LMAN1: variants seen among roughly 807,000 people sequenced by gnomAD.
LMAN1 encodes the protein protein ERGIC-53.
LMAN1 carries 32 observed loss-of-function variants against 67.8 expected under a neutral mutation model. The ratio of observed to expected loss-of-function variants is 0.47; its 90% CI spans 0.36 to 0.63. The LOEUF (loss-of-function observed/expected upper bound fraction) is 0.63. Among genes scored for constraint, LMAN1 ranks in the 30% least tolerant of loss-of-function variants. LMAN1 has a pLI of 0.00. For synonymous variants in LMAN1, 235 were observed against 219.3 expected (o/e 1.07, Z -0.63); for missense variants, 632 against 628.2 (o/e 1.01, Z -0.06).
intron 1 of LMAN1, among the ~76,000 whole-genome samples, chr18:59,358,001 A>G (rs1908700465): frequency 6.6e-6 from 1 of 151,912 alleles, no homozygotes; most frequent in African/African-American, 2.4e-5. Flanking sequence ...TCACACACAA[A>G]GATAGAATTC....
At chr18:59,348,000 G>A (rs1347675708) in intron 6 of LMAN1, among the ~76,000 whole-genome samples, 1 of 152,154 alleles carries the variant, frequency 6.6e-6, no homozygotes, top group Non-Finnish European at 1.5e-5. Context: ...ACATACTGCC[G>A]GGTACCTATA....
At chr18:59,340,759 T>C (rs114770138) in intron 8 of LMAN1, among the ~76,000 whole-genome samples, 513 of 152,112 alleles carry the variant, frequency 3.4e-3, no homozygotes, top group African/African-American at 0.01. Flanking sequence ...AATGGCAACA[T>C]GACAGAATTT....
At position 59,349,185 on chromosome 18, in the gene LMAN1, CA is replaced by C; in HGVS notation, c.690del (p.Cys230TrpfsTer7). ...FTPDKNDYEF[C>X]AKVENMIIPA... is the part of the protein sequence containing the mutation. ...GGGATAATCATATTTTCCACTTTGG[CA>C]CAAAATTCATAATCATTTTTATCTG... is the stretch of plus-strand genomic sequence containing the variant. On this transcript the variant is annotated frameshift_variant, in exon 6 of 13. Coordinates refer to ENST00000251047, the MANE Select transcript of LMAN1 (RefSeq NM_005570.4). LOFTEE classifies it high-confidence loss of function. The C allele has an allele frequency of 6.2e-7, 1 of 1,613,692 alleles. No homozygotes were observed. Among genetic ancestry groups the C allele is most frequent in the Non-Finnish European group, 8.5e-7 (1 of 1,179,644 alleles).
intron 6 of LMAN1, among the ~76,000 whole-genome samples, chr18:59,348,641 T>G (rs1440453586): frequency 6.6e-6 from 1 of 152,246 alleles, no homozygotes; most frequent in African/African-American, 2.4e-5. Flanking sequence ...AACTATGGTT[T>G]TGTTTAAAGT....
chr18:59,338,522 C>G (rs1217870430), intron 10 of LMAN1, 35 bp downstream of exon 10: 1 of 1,561,498 alleles, frequency 6.4e-7, no homozygotes, highest in Non-Finnish European at 8.8e-7. Context: ...TAAAAAAAAT[C>G]ACATAACACA....
chr18:59,331,779 T>A, intron 11 of LMAN1: 1 of 488,382 alleles, frequency 2.0e-6, no homozygotes, highest in East Asian at 4.0e-5. Flanking sequence ...CTGGCTCCTG[T>A]CTGCATTACA....
chr18:59,345,545 G>T (rs1908380237), intron 8 of LMAN1, among the ~76,000 whole-genome samples: 1 of 152,110 alleles, frequency 6.6e-6, no homozygotes, highest in East Asian at 1.9e-4. Context: ...GATGATTTCA[G>T]TCAAAAAATA....
rs751118850 is a variant in LMAN1, at chr18:59,359,113, G to A, written c.132C>T (p.Arg44=). 1.2e-6 allele frequency: 2 copies of A among 1,614,104 alleles called. No homozygotes were observed. Among genetic ancestry groups the A allele is most frequent in the South Asian group, 1.1e-5 (1 of 91,086 alleles). ...GGDPAVALPH[R]RFEYKYSFKG... is the part of the protein sequence containing the mutation. ...TGAAGCTGTATTTGTACTCGAAACG[G>A]CGATGTGGCAACGCGACCGCGGGGT... Residue 44 remains arginine (R), a synonymous_variant, in exon 1 of 13, where the codon CGC becomes CGT. Coordinates refer to ENST00000251047, the MANE Select transcript of LMAN1 (RefSeq NM_005570.4).
At chr18:59,342,231 C>T (rs781222315) in intron 8 of LMAN1, among the ~76,000 whole-genome samples, 3 of 151,960 alleles carry the variant, frequency 2.0e-5, no homozygotes, top group Non-Finnish European at 4.4e-5. Context: ...GGACTTATAG[C>T]TGAATTCTAT....
intron 12 of LMAN1, 112 bp from the exon 13 acceptor site, chr18:59,331,241 T>A (rs1416133249): frequency 7.4e-6 from 8 of 1,078,408 alleles, no homozygotes; most frequent in Non-Finnish European, 9.9e-6. Context: ...TACAACGCAT[T>A]AAGATAAACA....
Position 59,338,560 on chromosome 18 carries a change from A to G in LMAN1, c.1217T>C (p.Met406Thr). 6.2e-7 allele frequency: 1 copy of G among 1,612,474 alleles called. No individual in the cohort carries two copies. The highest frequency in any genetic ancestry group is 8.5e-7 in the Non-Finnish European group (1 of 1,178,676). The change falls in exon 10 of 13, where the codon ATG becomes ACG. Residue 406 changes from methionine (M) to threonine (T), a missense_variant. By Grantham distance (81) the Met-to-Thr change is moderately conservative. Coordinates refer to ENST00000251047, the MANE Select transcript of LMAN1 (RefSeq NM_005570.4). ...AACGCTACTTTTCCATACTTACTTCATTTCATTTACTTGTCTCAGAATCTC... is the reference window on the plus strand; with the variant it reads ...AACGCTACTTTTCCATACTTACTTCGTTTCATTTACTTGTCTCAGAATCTC... ...QHEILRQVNE[M>T]KNSMSETVRL...
chr18:59,359,164 G>A lies in LMAN1; in HGVS notation c.81C>T (p.Phe27=). ...FCALLLSLGR[F]VRGDGVGGDP... is the part of the protein sequence containing the mutation. The stretch of plus-strand genomic sequence containing the variant: ...CTCCTCCCACGCCGTCGCCCCGGAC[G>A]AAGCGACCGAGTGACAGCAGCAAGG... Residue 27 remains phenylalanine, a synonymous_variant, in exon 1 of 13, where the codon TTC becomes TTT. Coordinates refer to ENST00000251047, the MANE Select transcript of LMAN1 (RefSeq NM_005570.4). 6.2e-7 allele frequency: 1 copy of A among 1,614,070 alleles called. No individual in the cohort carries two copies. The highest frequency in any genetic ancestry group is 1.1e-5 in the South Asian group (1 of 91,084).
rs750070361 is a variant in LMAN1, at chr18:59,338,618, G to C, written c.1159C>G (p.Gln387Glu). ...GTTTTCACAACAGTATCCAGTTCTT[G>C]TTGAGTAATCTGGAGGAAGAAACAA... ...MPGQHGQITQ[Q>E]ELDTVVKTQH... Residue 387 changes from glutamine (Q) to glutamate (E), a missense_variant, in exon 10 of 13, where the codon CAA becomes GAA. Coordinates refer to ENST00000251047, the MANE Select transcript of LMAN1 (RefSeq NM_005570.4). The C allele has an allele frequency of 6.2e-6, 10 of 1,613,526 alleles. No homozygotes were observed. The highest frequency in any genetic ancestry group is 8.5e-6 in the Non-Finnish European group (10 of 1,179,518).
At position 59,338,784 on chromosome 18, in the gene LMAN1, T is replaced by C; in HGVS notation, c.1125A>G (p.Ala375=). Residue 375 remains alanine, a synonymous_variant, in exon 9 of 13, where the codon GCA becomes GCG. Coordinates refer to ENST00000251047, the MANE Select transcript of LMAN1 (RefSeq NM_005570.4). ...SLTEEISKRG[A]GMPGQHGQIT... ...CCTGCCCATGCTGCCCAGGCATTCC[T>C]GCTCCTCTTTTAGAGATTTCCTCTG... The C allele has an allele frequency of 1.2e-6, 2 of 1,614,158 alleles. No individual in the cohort carries two copies. The highest frequency in any genetic ancestry group is 1.7e-6 in the Non-Finnish European group (2 of 1,180,008).
intron 8 of LMAN1, among the ~76,000 whole-genome samples, chr18:59,340,633 C>T (rs1486416669): frequency 6.6e-6 from 1 of 152,132 alleles, no homozygotes; most frequent in Non-Finnish European, 1.5e-5. Flanking sequence ...ACAGGAAATG[C>T]TCAAAGCGGT....
rs2070730519 is a variant in LMAN1, at chr18:59,328,900, G to C, written c.*2193C>G. The stretch of plus-strand genomic sequence containing the variant: ...ACGCAATTGCATTTTCCTTTTAAAA[G>C]TGGCATCATAGACACAATGACTTAC... On this transcript the variant is annotated 3_prime_UTR_variant, in exon 13 of 13. Transcript: ENST00000251047. 2 of 152,276 alleles carry C rather than the reference G, an allele frequency of 1.3e-5. No individual in the cohort carries two copies. The highest frequency in any genetic ancestry group is 2.1e-4 in the South Asian group (1 of 4,816). 9.4% of individuals were successfully genotyped at this position (152,276 alleles called of 1,614,324 possible).
chr18:59,331,236 C>T lies in LMAN1; in HGVS notation c.1497-107G>A, dbSNP rs543654631. On this transcript the variant is annotated intron_variant, in intron 12 of 12. Coordinates refer to ENST00000251047, the MANE Select transcript of LMAN1 (RefSeq NM_005570.4). ...TATCAATGCCTTTTGAAGTATACAA[C>T]GCATTAAGATAAACATATATTCTAC... is the stretch of plus-strand genomic sequence containing the variant. 26 of 1,084,502 alleles carry T rather than the reference C, an allele frequency of 2.4e-5. No individual in the cohort carries two copies. The East Asian group carries it at 4.8e-4, about 20-fold the overall frequency. The allele number at this position is 1,084,502 out of a possible 1,614,324, so 67.2% of individuals were successfully genotyped here.
chr18:59,333,066 T>C (rs963356030), intron 11 of LMAN1, 25 bp downstream of exon 11: 2 of 1,589,200 alleles, frequency 1.3e-6, no homozygotes, highest in African/African-American at 1.3e-5. Context: ...ATTATAATTA[T>C]AAAAGGAAAA....
rs2070742933 is a variant in LMAN1 at position 59,330,812 on chromosome 18, C to G, written c.*281G>C. Reference sequence around the variant, plus strand: ...GGGTAACATTCATATCCAGGGGTTGCCCCCACTTTATTTACCCTCTTACTG... The same window carrying G: ...GGGTAACATTCATATCCAGGGGTTGGCCCCACTTTATTTACCCTCTTACTG... On this transcript the variant is annotated 3_prime_UTR_variant, in exon 13 of 13. Transcript: ENST00000251047. The G allele has an allele frequency of 5.0e-6, 2 of 402,024 alleles. No homozygotes were observed. The highest frequency in any genetic ancestry group is 4.1e-5 in the African/African-American group (2 of 48,204). 24.9% of individuals were successfully genotyped at this position (402,024 alleles called of 1,614,324 possible). A position where few individuals can be genotyped will look rare whatever the true frequency, so the allele number is the denominator to read the frequency against.
Sources: gnomAD v4.1 joint callset for allele counts (sites outside exome capture counted in the v4.1 genomes callset) on GRCh38, gnomAD v4.1.1 for gene constraint, MANE v1.5 for transcripts, NCBI Gene and HGNC (gene_info 2026-07-23, HGNC 2026-07-21) for gene names.